The following SCN1A variants were observed in gnomAD, a reference collection of about 807,000 sequenced individuals.
SCN1A encodes the protein sodium voltage-gated channel alpha subunit 1.
SCN1A carries 13 observed loss-of-function variants against 193.7 expected under a neutral mutation model. The ratio of observed to expected loss-of-function variants is 0.07; its 90% CI spans 0.04 to 0.11. The LOEUF is 0.11. Among genes scored for constraint, SCN1A ranks in the 10% least tolerant of loss-of-function variants. The pLI is 1.00. For synonymous variants in SCN1A, 781 were observed against 843.6 expected (o/e 0.93, Z 1.29); for missense variants, 1,432 against 2,451.1 (o/e 0.58, Z 8.78).
chr2:166,057,383 A>G (rs577734712), intron 5 of SCN1A, among the ~76,000 whole-genome samples: 2 of 152,174 alleles, frequency 1.3e-5, no homozygotes, highest in East Asian at 3.9e-4. Context: ...AAATTAGTTT[A>G]TCACTATATT....
intron 4 of SCN1A, among the ~76,000 whole-genome samples, chr2:166,067,851 C>G (rs1472052879): frequency 6.6e-6 from 1 of 152,056 alleles, no homozygotes; most frequent in Non-Finnish European, 1.5e-5. Context: ...TGACAGAGAC[C>G]ATCCCATACC....
At chr2:166,125,396 G>A (rs1314574321) in intron 2 of SCN1A, among the ~76,000 whole-genome samples, 2 of 152,294 alleles carry the variant, frequency 1.3e-5, no homozygotes, top group East Asian at 1.9e-4. Flanking sequence ...TACCTTTCAA[G>A]GTCCCCAGGC....
At chr2:166,065,703 T>C (rs12151636) in intron 4 of SCN1A, among the ~76,000 whole-genome samples, 2,417 of 152,220 alleles carry the variant, frequency 0.016, 29 homozygotes, top group Non-Finnish European at 0.026. Context: ...CCACCAAGCT[T>C]TAATATATAG....
chr2:166,089,668 T>A (rs1686556568), intron 2 of SCN1A, among the ~76,000 whole-genome samples: 2 of 152,054 alleles, frequency 1.3e-5, no homozygotes, highest in African/African-American at 4.8e-5. Context: ...TGGAATGAAT[T>A]ATCAATGTGC....
chr2:166,000,192 A>C, intron 24 of SCN1A: 1 of 198,706 alleles, frequency 5.0e-6, no homozygotes, highest in Non-Finnish European at 1.0e-5. Flanking sequence ...AGGGTGATCA[A>C]AGTGATTGAA....
At chr2:166,070,180 C>G (rs73969783) in intron 4 of SCN1A, among the ~76,000 whole-genome samples, 11,414 of 152,054 alleles carry the variant, frequency 0.075, 1,148 homozygotes, top group African/African-American at 0.23. Flanking sequence ...AGTCTTAAGA[C>G]ATAAAAATGC....
At chr2:166,016,809 C>T (rs1014443320) in intron 19 of SCN1A, among the ~76,000 whole-genome samples, 1 of 151,640 alleles carries the variant, frequency 6.6e-6, no homozygotes, top group Non-Finnish European at 1.5e-5. Flanking sequence ...TATGTAGACC[C>T]GACAATAGGC....
intron 1 of SCN1A, among the ~76,000 whole-genome samples, chr2:166,135,428 G>A (rs1237685750): frequency 6.6e-6 from 1 of 152,210 alleles, no homozygotes; most frequent in Middle Eastern, 3.4e-3. Flanking sequence ...TTCCTTTCAT[G>A]TTCAAAGGCA....
chr2:166,059,743 T>C (rs7609055), intron 4 of SCN1A, among the ~76,000 whole-genome samples: 72,191 of 152,018 alleles, frequency 0.47, 18,003 homozygotes, highest in East Asian at 0.56. Context: ...CAAGCATAAA[T>C]GTTATGTTTA....
In SCN1A at chr2:166,007,220, A is replaced by C. The variant is rs1438349926; in HGVS notation, c.4002+2499T>G. 1.2e-4 allele frequency: 18 copies of C among 151,216 alleles called. No individual in the cohort carries two copies. In the Admixed American group the frequency reaches 1.2e-3, roughly 10 times the overall value. 9.4% of individuals were successfully genotyped at this position (151,216 alleles called of 1,614,324 possible). A position where few individuals can be genotyped will look rare whatever the true frequency, so the allele number is the denominator to read the frequency against. On this transcript the variant is annotated intron_variant, in intron 23 of 28. Coordinates refer to ENST00000674923, the MANE Select transcript of SCN1A (RefSeq NM_001165963.4). ...AAGGATTAAAGGTAGCAAAAGGGGT[A>C]ATACAGTACCCATAATAAAGGGCTC...
chr2:166,114,739 AAT>A (rs2106212032), intron 2 of SCN1A, among the ~76,000 whole-genome samples: 1 of 152,326 alleles, frequency 6.6e-6, no homozygotes, highest in African/African-American at 2.4e-5. Flanking sequence ...ACTACAAGGA[AAT>A]ATTATGAAGC....
In SCN1A at chr2:166,002,661, G is replaced by A. The variant is rs372749240; in HGVS notation, c.4095C>T (p.Gly1365=). 15 of 1,611,604 alleles carry A rather than the reference G, an allele frequency of 9.3e-6. No individual in the cohort carries two copies. The highest frequency in any genetic ancestry group is 6.7e-5 in the African/African-American group (5 of 74,668). The change falls in exon 24 of 29, where the codon GGC becomes GGT. Residue 1365 remains glycine (G), a synonymous_variant. Transcript: ENST00000674923. Reference sequence around the variant, plus strand: ...AGAATTTGCCAGCAAACAAATTTACGCCCATGATGCTGAAAATTAGCCAGA... The same window carrying A: ...AGAATTTGCCAGCAAACAAATTTACACCCATGATGCTGAAAATTAGCCAGA... The part of the protein sequence containing the change: ...LIFWLIFSIM[G]VNLFAGKFYH...
intron 2 of SCN1A, chr2:166,126,460 G>C (rs1448359486): frequency 6.6e-6 from 1 of 152,182 alleles, no homozygotes; most frequent in Non-Finnish European, 1.5e-5. Context: ...GGCGTGCCAG[G>C]TATTGCAGCA....
At chr2:166,056,372 A>G in intron 6 of SCN1A, 39 bp downstream of exon 6, 2 of 1,248,272 alleles carry the variant, frequency 1.6e-6, no homozygotes, top group Non-Finnish European at 1.2e-6. Context: ...TCAAAATCCC[A>G]AATGTATATA....
Position 166,039,683 on chromosome 2 carries a change from A to G in SCN1A, c.2416-87T>C. 2.6e-6 allele frequency: 3 copies of G among 1,174,072 alleles called. No individual in the cohort carries two copies. In the African/African-American group the frequency reaches 4.6e-5, roughly 18 times the overall value. 72.7% of individuals were successfully genotyped at this position (1,174,072 alleles called of 1,614,324 possible). A position where few individuals can be genotyped will look rare whatever the true frequency, so the allele number is the denominator to read the frequency against. ...GCTCTTAGAACATAATGCTTATGCT[A>G]TTTTCCCACAATGATTCTATTACTA... On this transcript the variant is annotated intron_variant, in intron 16 of 28. Transcript: ENST00000674923.
intron 2 of SCN1A, among the ~76,000 whole-genome samples, chr2:166,121,820 C>T (rs77847942): frequency 0.015 from 2,218 of 152,284 alleles, 61 homozygotes; most frequent in African/African-American, 0.049. Context: ...ATGTTGGAGT[C>T]TCAAACTCCG....
rs145670933 is a variant in SCN1A at position 166,043,823 on chromosome 2, C to T, written c.1889G>A (p.Arg630Gln). The T allele has an allele frequency of 3.0e-5, 48 of 1,614,044 alleles. No individual in the cohort carries two copies. The highest frequency in any genetic ancestry group is 3.7e-5 in the Non-Finnish European group (44 of 1,180,032). The change falls in exon 14 of 29, where the codon CGG becomes CAG. Residue 630 changes from arginine (R) to glutamine (Q), a missense_variant. Arg to Gln is a conservative substitution (Grantham distance 43). Around this residue, in one of 18 missense-constraint regions of SCN1A, gnomAD observed 316 missense variants for 362.1 expected, o/e 0.87. Transcript: ENST00000674923. Reference sequence around the variant, plus strand: ...ATTCGCTGGAAACACTGCCAGCATCCGGGATGACCTACTGGTCTGACTCAG... The same window carrying T: ...ATTCGCTGGAAACACTGCCAGCATCTGGGATGACCTACTGGTCTGACTCAG... ...SNLSQTSRSS[R>Q]MLAVFPANGK...
intron 2 of SCN1A, among the ~76,000 whole-genome samples, chr2:166,101,172 T>C (rs1195321230): frequency 6.6e-6 from 1 of 150,698 alleles, no homozygotes; most frequent in African/African-American, 2.4e-5. Context: ...TGGAATACTA[T>C]GCAGCCATAA....
At chr2:166,115,067 A>G (rs889969996) in intron 2 of SCN1A, among the ~76,000 whole-genome samples, 5 of 152,150 alleles carry the variant, frequency 3.3e-5, no homozygotes, top group African/African-American at 1.2e-4. Context: ...GCAAAGACCA[A>G]AGAATGCCTC....
Sources: allele counts gnomAD v4.1 joint callset (sites outside exome capture counted in the v4.1 genomes callset), GRCh38; gene constraint gnomAD v4.1.1; regional missense constraint gnomAD v4.1.1; transcripts MANE v1.5; gene names NCBI Gene and HGNC (gene_info 2026-07-23, HGNC 2026-07-21).